The following SPOP variants were observed in gnomAD, a reference collection of about 807,000 sequenced individuals.
SPOP encodes the protein speckle-type POZ protein.
Under a neutral mutation model 45.6 loss-of-function variants are expected in SPOP, and 11 were observed. That is an observed-to-expected ratio of 0.24 (90% CI 0.15 to 0.40). SPOP has a LOEUF of 0.40. Ranked by LOEUF, SPOP falls within the 10% of genes least tolerant of loss-of-function variation. The pLI is 1.00. For missense variants in SPOP, 152 were observed against 465.6 expected (o/e 0.33, Z 6.20); for synonymous variants, 166 against 166.3 (o/e 1.00, Z 0.01).
intron 1 of SPOP, among the ~76,000 whole-genome samples, chr17:49,672,077 T>C (rs548115790): frequency 2.6e-5 from 4 of 152,166 alleles, no homozygotes; most frequent in African/African-American, 9.6e-5. Context: ...GAGGCAGAGG[T>C]TGCAGTGAGC....
At chr17:49,631,880 C>G (rs1448515604) in intron 1 of SPOP, among the ~76,000 whole-genome samples, 1 of 152,226 alleles carries the variant, frequency 6.6e-6, no homozygotes, top group Non-Finnish European at 1.5e-5. Context: ...CAATCTGAAG[C>G]CACTTCCACT....
chr17:49,616,285 T>C (rs1195814361), intron 5 of SPOP, among the ~76,000 whole-genome samples: 2 of 152,212 alleles, frequency 1.3e-5, no homozygotes, highest in Admixed American at 6.5e-5. Flanking sequence ...TTGTGGCCTC[T>C]GGGAGCACCA....
chr17:49,607,056 A>G (rs908294495), intron 8 of SPOP, 194 bp downstream of exon 8: 11 of 589,302 alleles, frequency 1.9e-5, no homozygotes, highest in Non-Finnish European at 3.1e-5. Flanking sequence ...TTTACTATTC[A>G]AAACAGGACA....
At chr17:49,602,269 C>A (rs2071753978) in intron 8 of SPOP, 1 of 341,754 alleles carries the variant, frequency 2.9e-6, no homozygotes, top group South Asian at 5.0e-5. Flanking sequence ...ATGGCAATTA[C>A]AGGGTAGATC....
intron 8 of SPOP, among the ~76,000 whole-genome samples, chr17:49,605,208 A>G (rs2071815289): frequency 6.6e-6 from 1 of 152,256 alleles, no homozygotes; most frequent in South Asian, 2.1e-4. Flanking sequence ...TTATTCTACT[A>G]TTAAGCTATT....
Position 49,664,428 on chromosome 17 carries a change from T to C in SPOP, c.-67+13505A>G, listed in dbSNP as rs768208092. 3.9e-5 allele frequency among the ~76,000 whole-genome samples: 6 copies of C among 152,322 alleles called. 1 individual carries two copies. The highest frequency in any genetic ancestry group is 7.2e-5 in the African/African-American group (3 of 41,578). On this transcript the variant is annotated intron_variant, in intron 1 of 9. Transcript: ENST00000504102. ...TCATGAATTTTTCTAAAACATTTTT[T>C]CATAAAAATATATTATGTTAACGAG...
At chr17:49,612,378 G>C (rs2076721126) in intron 5 of SPOP, among the ~76,000 whole-genome samples, 1 of 152,194 alleles carries the variant, frequency 6.6e-6, no homozygotes, top group East Asian at 1.9e-4. Flanking sequence ...AACTGGGTGA[G>C]TATCCCACAC....
intron 6 of SPOP, among the ~76,000 whole-genome samples, chr17:49,611,011 G>C (rs563281348): frequency 9.2e-5 from 14 of 152,034 alleles, no homozygotes; most frequent in African/African-American, 3.4e-4. Context: ...CTCTCTAGGG[G>C]CAAAGGCATT....
At chr17:49,633,102 G>C (rs983406719) in intron 1 of SPOP, among the ~76,000 whole-genome samples, 3 of 152,202 alleles carry the variant, frequency 2.0e-5, no homozygotes, top group African/African-American at 7.2e-5. Flanking sequence ...ATAGTATTAT[G>C]TGTTCAAGTC....
chr17:49,601,735 G>A, intron 9 of SPOP, 130 bp downstream of exon 9: 5 of 1,201,050 alleles, frequency 4.2e-6, no homozygotes, highest in Non-Finnish European at 5.8e-6. Flanking sequence ...AGGAAAAGAT[G>A]AAAACTCTAT....
chr17:49,646,718 C>T (rs933615916), intron 1 of SPOP: 12 of 152,162 alleles, frequency 7.9e-5, no homozygotes, highest in African/African-American at 2.9e-4. Context: ...TTCAACAGCT[C>T]TGTGAGGCAC....
At chr17:49,648,016 T>C (rs2072787601) in intron 1 of SPOP, among the ~76,000 whole-genome samples, 1 of 152,202 alleles carries the variant, frequency 6.6e-6, no homozygotes, top group Non-Finnish European at 1.5e-5. Context: ...CCATACTAAC[T>C]GGCACCTCTT....
chr17:49,663,102 A>T (rs1429738170), intron 1 of SPOP, among the ~76,000 whole-genome samples: 2 of 152,208 alleles, frequency 1.3e-5, no homozygotes, highest in African/African-American at 4.8e-5. Flanking sequence ...AGGGCGGCAG[A>T]CCTTACCGAC....
chr17:49,617,537 C>T (rs1207508922), intron 5 of SPOP, among the ~76,000 whole-genome samples: 2 of 152,124 alleles, frequency 1.3e-5, no homozygotes, highest in African/African-American at 4.8e-5. Flanking sequence ...AGAGGGGATA[C>T]CAAATTATGC....
At chr17:49,633,983 C>G (rs1034151704) in intron 1 of SPOP, among the ~76,000 whole-genome samples, 12 of 151,104 alleles carry the variant, frequency 7.9e-5, no homozygotes, top group African/African-American at 2.9e-4. Context: ...AATTACAGAA[C>G]CCCTGCTAGG....
chr17:49,659,703 C>CAAAA (rs1812793579), intron 1 of SPOP, among the ~76,000 whole-genome samples: 1 of 152,208 alleles, frequency 6.6e-6, no homozygotes, highest in Non-Finnish European at 1.5e-5. Flanking sequence ...ACCTCAAGCT[C>CAAAA]TGATTTCATT....
chr17:49,654,028 G>A (rs1233882853), intron 1 of SPOP, among the ~76,000 whole-genome samples: 2 of 152,108 alleles, frequency 1.3e-5, no homozygotes, highest in Non-Finnish European at 2.9e-5. Context: ...CTTAGATCAG[G>A]ATGTGAATTT....
At chr17:49,638,668 A>G (rs745374083) in intron 1 of SPOP, among the ~76,000 whole-genome samples, 1 of 152,196 alleles carries the variant, frequency 6.6e-6, no homozygotes, top group Non-Finnish European at 1.5e-5. Flanking sequence ...CTCTTAGACT[A>G]TAATAGGTTT....
chr17:49,646,515 G>A (rs576646644), intron 1 of SPOP: 6 of 147,036 alleles, frequency 4.1e-5, no homozygotes, highest in Admixed American at 2.7e-4. Flanking sequence ...CTGGGTGACC[G>A]TCTCAAAAAA....
Sources: gnomAD v4.1 joint callset for allele counts (sites outside exome capture counted in the v4.1 genomes callset) on GRCh38, gnomAD v4.1.1 for gene constraint, MANE v1.5 for transcripts, NCBI Gene and HGNC (gene_info 2026-07-23, HGNC 2026-07-21) for gene names.